ZNF460: variants seen among roughly 807,000 people sequenced by gnomAD.
ZNF460 encodes the protein zinc finger protein 272.
A neutral mutation model predicts 8.4 loss-of-function variants in ZNF460; 1 was observed. The ratio of observed to expected loss-of-function variants is 0.12; its 90% confidence interval spans 0.04 to 0.56. ZNF460 has a LOEUF of 0.56. ZNF460 is among the 20% of genes least tolerant of loss of function. The probability of loss-of-function intolerance (pLI) is 0.91; values close to 1 mark genes in which losing one functional copy is unlikely to be tolerated. For synonymous variants in ZNF460, 262 were observed against 259.9 expected, an observed-to-expected ratio of 1.01 and a Z score of -0.08; for missense variants, 477 against 714.8, an observed-to-expected ratio of 0.67 and a Z score of 3.79.
Position 57,292,028 on chromosome 19 carries a change from G to A in ZNF460, c.1487G>A (p.Arg496Gln), listed in dbSNP as rs376313358. The change falls in exon 3 of 3, where the codon CGG becomes CAG. Residue 496 changes from arginine to glutamine, a missense_variant. Arg to Gln is a conservative substitution (Grantham distance 43). Coordinates refer to ENST00000360338, the MANE Select transcript of ZNF460 (RefSeq NM_006635.4). ...AGGTCACCCCTCACAAGGCACCAGC[G>A]GATTCACACTGCAGAGAAGTCCCAC... is the stretch of plus-strand genomic sequence containing the variant. ...NRRSPLTRHQ[R>Q]IHTAEKSHEP... 4 of 1,614,064 alleles carry A rather than the reference G, an allele frequency of 2.5e-6. No homozygotes were observed. Among genetic ancestry groups the A allele is most frequent in the South Asian group, 1.1e-5 (1 of 91,086 alleles).
intron 2 of ZNF460, among the ~76,000 whole-genome samples, chr19:57,290,213 G>T (rs2087906711): frequency 6.6e-6 from 1 of 152,182 alleles, no homozygotes; most frequent in Non-Finnish European, 1.5e-5. Context: ...AGCTGAGGTG[G>T]GCAGATCCCG....
At chr19:57,290,575 G>A (rs964578667) in intron 2 of ZNF460, 124 bp from the exon 3 acceptor site, 8 of 987,770 alleles carry the variant, frequency 8.1e-6, no homozygotes, top group Non-Finnish European at 1.2e-5. Context: ...ACTGTACCCA[G>A]CCCATCAAAT....
In ZNF460 at chr19:57,293,024, T is replaced by G. The variant is rs977826753; in HGVS notation, c.*794T>G. The G allele has an allele frequency of 7.9e-5, 12 of 152,248 alleles. No homozygotes were observed. The highest frequency in any genetic ancestry group is 1.3e-4 in the Non-Finnish European group (9 of 68,052). The allele number at this position is 152,248 out of a possible 1,614,324, so 9.4% of individuals were successfully genotyped here. A position where few individuals can be genotyped will look rare whatever the true frequency, so the allele number is the denominator to read the frequency against. On this transcript the variant is annotated 3_prime_UTR_variant, in exon 3 of 3. Coordinates refer to ENST00000360338, the MANE Select transcript of ZNF460 (RefSeq NM_006635.4). ...TCTTTAACCACCCAGTACCATACTT[T>G]TTTCTTGATCTGGATCTACTTGTCA...
Position 57,292,376 on chromosome 19 carries a change from C to CCAT in ZNF460, c.*147_*149dup. The CCAT allele has an allele frequency of 1.2e-6, 1 of 812,376 alleles. No homozygotes were observed. The highest frequency in any genetic ancestry group is 1.9e-6 in the Non-Finnish European group (1 of 514,834). 50.3% of individuals were successfully genotyped at this position (812,376 alleles called of 1,614,324 possible). ...TGGTCATTCATACTGAAGAGAAACTCCATAAGTATCATCTCTGTGGGAAAA... is the reference window on the plus strand; with the variant it reads ...TGGTCATTCATACTGAAGAGAAACTCCATCATAAGTATCATCTCTGTGGGAAAA... On this transcript the variant is annotated 3_prime_UTR_variant, in exon 3 of 3. Coordinates refer to ENST00000360338, the MANE Select transcript of ZNF460 (RefSeq NM_006635.4).
chr19:57,289,175 T>TAC (rs986303469), intron 2 of ZNF460, among the ~76,000 whole-genome samples: 4 of 152,214 alleles, frequency 2.6e-5, no homozygotes, highest in African/African-American at 9.6e-5. Flanking sequence ...AGTTGTTTGT[T>TAC]AGCCTTTTCG....
chr19:57,287,623 G>A (rs140597897), intron 2 of ZNF460, among the ~76,000 whole-genome samples: 1 of 152,250 alleles, frequency 6.6e-6, no homozygotes, highest in Non-Finnish European at 1.5e-5. Flanking sequence ...CTGTGTGGGT[G>A]TGTTCAGCTT....
chr19:57,289,459 T>C (rs2087900958), intron 2 of ZNF460, among the ~76,000 whole-genome samples: 1 of 152,202 alleles, frequency 6.6e-6, no homozygotes, highest in African/African-American at 2.4e-5. Flanking sequence ...TATGTCCTTC[T>C]AACTTTAAGC....
intron 1 of ZNF460, among the ~76,000 whole-genome samples, chr19:57,283,587 T>A (rs1041289309): frequency 1.5e-5 from 2 of 135,076 alleles, no homozygotes; most frequent in Non-Finnish European, 3.1e-5. Context: ...CTGCAACCTC[T>A]GCCTCCCAGG....
intron 1 of ZNF460, 115 bp downstream of exon 1, chr19:57,280,951 G>A: frequency 6.9e-7 from 1 of 1,451,792 alleles, no homozygotes; most frequent in Non-Finnish European, 9.5e-7. Context: ...GTTTATTTAA[G>A]AGAAATGGCC....
Position 57,291,444 on chromosome 19 carries a change from C to T in ZNF460, c.903C>T (p.Ser301=), listed in dbSNP as rs767275093. The T allele has an allele frequency of 4.3e-6, 7 of 1,613,850 alleles. No homozygotes were observed. Among genetic ancestry groups the T allele is most frequent in the Middle Eastern group, 1.6e-4 (1 of 6,082 alleles). ...CCAATTTTGTCTTGCATAACAAGAG[C>T]CACAATGAGAAGAAACCCTTCGCAT... ...YRSNFVLHNK[S]HNEKKPFACS... The change falls in exon 3 of 3, where the codon AGC becomes AGT. Residue 301 remains serine (S), a synonymous_variant. Coordinates refer to ENST00000360338, the MANE Select transcript of ZNF460 (RefSeq NM_006635.4). This position sits in a 1 kb window ranked among gnomAD's most constrained non-coding sequence, Gnocchi z 8.4.
chr19:57,286,464 TGA>T (rs2087880043), intron 2 of ZNF460, among the ~76,000 whole-genome samples: 1 of 152,038 alleles, frequency 6.6e-6, no homozygotes, highest in African/African-American at 2.4e-5. Flanking sequence ...CCATATTCTC[TGA>T]GATACAACAA....
At chr19:57,280,962 G>T in intron 1 of ZNF460, 126 bp downstream of exon 1, 2 of 1,376,222 alleles carry the variant, frequency 1.5e-6, no homozygotes. Context: ...AGAAATGGCC[G>T]TGGCTTGTCA....
intron 1 of ZNF460, among the ~76,000 whole-genome samples, chr19:57,283,667 A>G (rs2108527): frequency 0.11 from 16,373 of 150,870 alleles, 1,154 homozygotes; most frequent in Middle Eastern, 0.2. Context: ...ACACCTGGCT[A>G]ATTTTTGTAT....
At chr19:57,289,178 C>G (rs1447985143) in intron 2 of ZNF460, among the ~76,000 whole-genome samples, 1 of 152,020 alleles carries the variant, frequency 6.6e-6, no homozygotes, top group African/African-American at 2.4e-5. Flanking sequence ...TGTTTGTTAG[C>G]CTTTTCGCCT....
Position 57,290,766 on chromosome 19 carries a change from A to T in ZNF460, c.225A>T (p.Ser75=), listed in dbSNP as rs761316204. ...ATCTGGCCTTGCCTGAGGAAGTCTC[A>T]CTCCAGGAACAGCTGGCACAGGGAG... ...PSHLALPEEV[S]LQEQLAQGVP... Residue 75 remains serine (S), a synonymous_variant, in exon 3 of 3, where the codon TCA becomes TCT. Transcript: ENST00000360338. The T allele has an allele frequency of 2.5e-6, 4 of 1,613,952 alleles. No individual in the cohort carries two copies. The African/African-American group carries it at 5.3e-5, about 22-fold the overall frequency.
In ZNF460 at chr19:57,293,020, A is replaced by C. The variant is rs1276291331; in HGVS notation, c.*790A>C. 1 of 152,188 alleles carries C rather than the reference A, an allele frequency of 6.6e-6. No individual in the cohort carries two copies. Among genetic ancestry groups the C allele is most frequent in the Non-Finnish European group, 1.5e-5 (1 of 68,028 alleles). 9.4% of individuals were successfully genotyped at this position (152,188 alleles called of 1,614,324 possible). On this transcript the variant is annotated 3_prime_UTR_variant, in exon 3 of 3. Transcript: ENST00000360338. Reference sequence around the variant, plus strand: ...TGTGTCTTTAACCACCCAGTACCATACTTTTTTCTTGATCTGGATCTACTT... The same window carrying C: ...TGTGTCTTTAACCACCCAGTACCATCCTTTTTTCTTGATCTGGATCTACTT...
At position 57,290,880 on chromosome 19, in the gene ZNF460, A is replaced by G; in HGVS notation, c.339A>G (p.Pro113=). The stretch of plus-strand genomic sequence containing the variant: ...ACTTTTTGAGACCAGGGACAGACCC[A>G]CAGAGTGAGAAACTCCATGGGAAAA... ...QEYFLRPGTD[P]QSEKLHGKMS... The change falls in exon 3 of 3, where the codon CCA becomes CCG. Residue 113 remains proline, a synonymous_variant. Coordinates refer to ENST00000360338, the MANE Select transcript of ZNF460 (RefSeq NM_006635.4). 1 of 1,614,222 alleles carries G rather than the reference A, an allele frequency of 6.2e-7. No individual in the cohort carries two copies. The highest frequency in any genetic ancestry group is 8.5e-7 in the Non-Finnish European group (1 of 1,180,050).
rs1284641003 is a variant in ZNF460 at position 57,292,073 on chromosome 19, A to G, written c.1532A>G (p.Asn511Ser). The change falls in exon 3 of 3, where the codon AAC becomes AGC. Residue 511 changes from asparagine to serine, a missense_variant. Physicochemically the swap from Asn to Ser is conservative, Grantham distance 46 (BLOSUM62 1). This residue lies in a region of ZNF460 where 83 missense variants were observed against 82.3 expected (regional missense o/e 1.01). Coordinates refer to ENST00000360338, the MANE Select transcript of ZNF460 (RefSeq NM_006635.4). ...EKSHEPIQSG[N>S]VSCESTDLIQ... ...TCCCACGAACCCATCCAGAGTGGGA[A>G]CGTTTCTTGTGAGAGCACAGATCTC... The G allele has an allele frequency of 1.2e-6, 2 of 1,614,156 alleles. No individual in the cohort carries two copies. The highest frequency in any genetic ancestry group is 8.5e-7 in the Non-Finnish European group (1 of 1,180,016).
At chr19:57,281,328 C>A (rs533891940) in intron 1 of ZNF460, among the ~76,000 whole-genome samples, 2 of 152,250 alleles carry the variant, frequency 1.3e-5, no homozygotes, top group South Asian at 2.1e-4. Context: ...TTTGGAGGTG[C>A]CTTTTTTGGC....
Sources: gnomAD v4.1 joint callset for allele counts (sites outside exome capture counted in the v4.1 genomes callset) on GRCh38, gnomAD v4.1.1 for gene constraint, gnomAD v4.1.1 regional missense constraint, Gnocchi (gnomAD v3.1) non-coding constraint, MANE v1.5 for transcripts, NCBI Gene and HGNC (gene_info 2026-07-23, HGNC 2026-07-21) for gene names.